ZBTB20: variants seen among roughly 807,000 people sequenced by gnomAD.
ZBTB20 encodes the protein zinc finger and BTB domain containing 20.
ZBTB20 carries 9 observed loss-of-function variants against 56.9 expected under a neutral mutation model. The ratio of observed to expected loss-of-function variants is 0.16; its 90% CI spans 0.10 to 0.28. The LOEUF is 0.28. ZBTB20 is among the 10% of genes least tolerant of loss of function. The pLI is 1.00. For missense variants in ZBTB20, 655 were observed against 1,003.0 expected, an observed-to-expected ratio of 0.65 and a Z score of 4.69; for synonymous variants, 417 against 420.7, an observed-to-expected ratio of 0.99 and a Z score of 0.11.
At chr3:114,829,019 T>C (rs1474466738) in intron 4 of ZBTB20, among the ~76,000 whole-genome samples, 1 of 151,812 alleles carries the variant, frequency 6.6e-6, no homozygotes, top group Non-Finnish European at 1.5e-5. Flanking sequence ...CCTGCATGGA[T>C]TGCAACCAGT....
At chr3:114,977,323 G>C (rs773161278) in intron 2 of ZBTB20, among the ~76,000 whole-genome samples, 1 of 152,142 alleles carries the variant, frequency 6.6e-6, no homozygotes, top group Non-Finnish European at 1.5e-5. Flanking sequence ...ATGCTTTAAA[G>C]CTAGCTCAAA....
chr3:115,046,767 C>T (rs745482261), intron 2 of ZBTB20, among the ~76,000 whole-genome samples: 8 of 152,140 alleles, frequency 5.3e-5, no homozygotes, highest in Non-Finnish European at 8.8e-5. Context: ...AAGTCTGGTT[C>T]TCCATACCGT....
chr3:114,954,979 T>C (rs1435105999), intron 3 of ZBTB20, among the ~76,000 whole-genome samples: 1 of 152,178 alleles, frequency 6.6e-6, no homozygotes, highest in African/African-American at 2.4e-5. Flanking sequence ...GAATAGTAAT[T>C]CTAAAGGAAA....
At chr3:114,744,839 T>C (rs2066906785) in intron 5 of ZBTB20, among the ~76,000 whole-genome samples, 1 of 152,048 alleles carries the variant, frequency 6.6e-6, no homozygotes, top group Non-Finnish European at 1.5e-5. Context: ...AAAGGCATTA[T>C]ATAGAAAAAC....
chr3:114,361,704 G>C (rs2081907207), intron 10 of ZBTB20, among the ~76,000 whole-genome samples: 1 of 152,168 alleles, frequency 6.6e-6, no homozygotes, highest in Non-Finnish European at 1.5e-5. Flanking sequence ...TTAGAGAATT[G>C]GATAGCATTA....
intron 2 of ZBTB20, among the ~76,000 whole-genome samples, chr3:115,036,478 G>C (rs1045536127): frequency 4.0e-5 from 6 of 151,860 alleles, no homozygotes; most frequent in Non-Finnish European, 8.8e-5. Flanking sequence ...GCAGTGGTGC[G>C]ATCTCGGCTC....
intron 1 of ZBTB20, among the ~76,000 whole-genome samples, chr3:115,132,968 T>C (rs1325066074): frequency 6.6e-6 from 1 of 152,194 alleles, no homozygotes; most frequent in Non-Finnish European, 1.5e-5. Flanking sequence ...ACTGTTAATA[T>C]TTTCTAACAT....
intron 6 of ZBTB20, among the ~76,000 whole-genome samples, chr3:114,561,392 G>A (rs1424282516): frequency 6.6e-6 from 1 of 152,014 alleles, no homozygotes; most frequent in Non-Finnish European, 1.5e-5. Flanking sequence ...CACTATCTAC[G>A]GTAGCTATAG....
intron 6 of ZBTB20, among the ~76,000 whole-genome samples, chr3:114,677,788 T>C (rs2061719131): frequency 1.3e-5 from 2 of 152,168 alleles, no homozygotes; most frequent in South Asian, 4.1e-4. Context: ...TTTAATATCA[T>C]TTCATTTACT....
chr3:114,411,063 T>C (rs2087900409), intron 7 of ZBTB20, among the ~76,000 whole-genome samples: 1 of 152,180 alleles, frequency 6.6e-6, no homozygotes, highest in Non-Finnish European at 1.5e-5. Flanking sequence ...GATGGCTACT[T>C]ACAGGGTTAA....
At chr3:115,076,496 CA>C (rs1480419559) in intron 1 of ZBTB20, among the ~76,000 whole-genome samples, 4 of 152,052 alleles carry the variant, frequency 2.6e-5, no homozygotes, top group African/African-American at 9.7e-5. Flanking sequence ...GGAAAAACAG[CA>C]AAATAATAAA....
chr3:114,404,453 A>G (rs2087111141), intron 7 of ZBTB20, among the ~76,000 whole-genome samples: 1 of 152,190 alleles, frequency 6.6e-6, no homozygotes. Context: ...ACTTCAGTTG[A>G]AGCAGTATAA....
intron 6 of ZBTB20, among the ~76,000 whole-genome samples, chr3:114,684,773 G>T (rs1419071194): frequency 2.0e-5 from 3 of 152,086 alleles, no homozygotes; most frequent in Admixed American, 2.0e-4. Context: ...ATGTATAAAA[G>T]AAAATATTGT....
chr3:114,742,178 G>T (rs1345385548), intron 5 of ZBTB20, among the ~76,000 whole-genome samples: 1 of 152,148 alleles, frequency 6.6e-6, no homozygotes, highest in East Asian at 1.9e-4. Context: ...AAGTGGATTT[G>T]TTGTATGTTT....
intron 6 of ZBTB20, among the ~76,000 whole-genome samples, chr3:114,628,238 C>T (rs2058750361): frequency 1.3e-5 from 2 of 152,070 alleles, no homozygotes; most frequent in South Asian, 2.1e-4. Context: ...TTTGTAATCT[C>T]TCTCTTTTTT....
intron 7 of ZBTB20, among the ~76,000 whole-genome samples, chr3:114,421,429 A>T (rs1014324580): frequency 2.0e-5 from 3 of 152,176 alleles, no homozygotes; most frequent in Non-Finnish European, 4.4e-5. Flanking sequence ...TGAACTTTCC[A>T]CTTAGCACAG....
At chr3:114,692,647 G>A (rs1263398850) in intron 6 of ZBTB20, among the ~76,000 whole-genome samples, 1 of 152,102 alleles carries the variant, frequency 6.6e-6, no homozygotes, top group Non-Finnish European at 1.5e-5. Flanking sequence ...AGTTGCCAGT[G>A]CATTTCAATG....
intron 1 of ZBTB20, among the ~76,000 whole-genome samples, chr3:115,078,661 G>T (rs2082687209): frequency 6.8e-6 from 1 of 147,966 alleles, no homozygotes; most frequent in Admixed American, 6.8e-5. Context: ...AGAGAGAGTG[G>T]GGTAGATGAT....
At chr3:115,098,316 G>A (rs548626458) in intron 1 of ZBTB20, among the ~76,000 whole-genome samples, 10 of 152,178 alleles carry the variant, frequency 6.6e-5, no homozygotes, top group African/African-American at 2.4e-4. Context: ...ATTTTAGATG[G>A]TCCTCACAAG....
Sources: allele counts gnomAD v4.1 joint callset (sites outside exome capture counted in the v4.1 genomes callset), GRCh38; gene constraint gnomAD v4.1.1; transcripts MANE v1.5; gene names NCBI Gene and HGNC (gene_info 2026-07-23, HGNC 2026-07-21).